EYA3: variants seen among roughly 807,000 people sequenced by gnomAD.
The protein encoded by EYA3 is protein phosphatase EYA3.
A neutral mutation model predicts 80.0 loss-of-function variants in EYA3; 39 were observed. The ratio of observed to expected loss-of-function variants is 0.49; its 90% confidence interval spans 0.38 to 0.64. The LOEUF (loss-of-function observed/expected upper bound fraction) is 0.64. Ranked by LOEUF, EYA3 falls within the 30% of genes least tolerant of loss-of-function variation. EYA3 has a pLI of 0.00. For missense variants in EYA3, 523 were observed against 676.1 expected, an observed-to-expected ratio of 0.77 and a Z score of 2.51; for synonymous variants, 206 against 232.8, an observed-to-expected ratio of 0.88 and a Z score of 1.05.
rs189713367 is a variant in EYA3, at chr1:27,978,891, G to A, written c.1541-417C>T. 7.0e-4 allele frequency among the ~76,000 whole-genome samples: 106 copies of A among 152,338 alleles called. 1 individual carries two copies. The highest frequency in any genetic ancestry group is 2.4e-3 in the African/African-American group (101 of 41,584). On this transcript the variant is annotated intron_variant, in intron 16 of 17. Coordinates refer to ENST00000373871, the MANE Select transcript of EYA3 (RefSeq NM_001990.4). ...GCAGGAGAATCGCTTGAACCCGGGA[G>A]GCGGAGGTTGCAGTGAGCCGAGATC...
Position 28,048,416 on chromosome 1 carries a change from G to A in EYA3, c.44C>T (p.Ala15Val), listed in dbSNP as rs868706652. The change falls in exon 3 of 18, where the codon GCC (alanine) becomes GTC (valine). Residue 15 changes from alanine (A) to valine (V), a missense_variant. By Grantham distance (64) the Ala-to-Val change is moderately conservative. Transcript: ENST00000373871. ...QDLPEQPVKKAKMQESGEQTI... is the reference protein window; with the variant it reads ...QDLPEQPVKKVKMQESGEQTI... ...TTGCTCTCCTGATTCCTGCATCTTGGCTTTTTTCACCTGCAAAAATAAATA... is the reference window on the plus strand; with the variant it reads ...TTGCTCTCCTGATTCCTGCATCTTGACTTTTTTCACCTGCAAAAATAAATA... The A allele has an allele frequency of 6.2e-7, 1 of 1,611,458 alleles. No individual in the cohort carries two copies. Among genetic ancestry groups the A allele is most frequent in the South Asian group, 1.1e-5 (1 of 90,748 alleles).
At chr1:28,066,721 A>G (rs929863645) in intron 1 of EYA3, among the ~76,000 whole-genome samples, 1 of 152,174 alleles carries the variant, frequency 6.6e-6, no homozygotes, top group African/African-American at 2.4e-5. Context: ...GCAATGAAAA[A>G]AACAAATCTA....
chr1:28,030,278 A>G (rs1643060330), intron 6 of EYA3, among the ~76,000 whole-genome samples: 1 of 152,218 alleles, frequency 6.6e-6, no homozygotes, highest in Non-Finnish European at 1.5e-5. Context: ...AAAGACCAAC[A>G]GTGGGATATG....
At chr1:28,057,818 T>G (rs1644485716) in intron 2 of EYA3, among the ~76,000 whole-genome samples, 176 bp downstream of exon 2, 1 of 152,198 alleles carries the variant, frequency 6.6e-6, no homozygotes, top group Non-Finnish European at 1.5e-5. Context: ...TGCTAAATTT[T>G]CCTTAGACTC....
intron 10 of EYA3, among the ~76,000 whole-genome samples, chr1:28,007,481 C>A (rs1180340482): frequency 6.6e-6 from 1 of 151,714 alleles, no homozygotes; most frequent in East Asian, 1.9e-4. Flanking sequence ...GTTACAGGCG[C>A]CTGCCACCAT....
chr1:28,069,824 A>G (rs1238947248), intron 1 of EYA3, among the ~76,000 whole-genome samples: 3 of 152,250 alleles, frequency 2.0e-5, no homozygotes, highest in African/African-American at 7.2e-5. Flanking sequence ...TTTTGAGATG[A>G]GATTATACAT....
At chr1:28,069,933 G>C (rs1347063542) in intron 1 of EYA3, among the ~76,000 whole-genome samples, 1 of 152,158 alleles carries the variant, frequency 6.6e-6, no homozygotes, top group African/African-American at 2.4e-5. Flanking sequence ...GAAGAGACTG[G>C]AGGGTTACGG....
At chr1:28,019,881 T>G (rs1642316352) in intron 7 of EYA3, among the ~76,000 whole-genome samples, 1 of 151,934 alleles carries the variant, frequency 6.6e-6, no homozygotes, top group Non-Finnish European at 1.5e-5. Context: ...TGCATTTTTT[T>G]TAGTAGAGAT....
intron 7 of EYA3, among the ~76,000 whole-genome samples, chr1:28,022,863 C>T (rs931858639): frequency 1.6e-4 from 24 of 152,026 alleles, no homozygotes; most frequent in African/African-American, 5.3e-4. Flanking sequence ...ACTACAGGCA[C>T]GCACCACTGC....
At chr1:28,042,787 T>C (rs1210994519) in intron 3 of EYA3, 137 bp from the exon 4 acceptor site, 3 of 678,466 alleles carry the variant, frequency 4.4e-6, no homozygotes. Context: ...TTATTGTTGA[T>C]TTTTAACAAC....
At chr1:27,985,727 G>C (rs188085777) in intron 16 of EYA3, among the ~76,000 whole-genome samples, 2 of 151,996 alleles carry the variant, frequency 1.3e-5, no homozygotes, top group Non-Finnish European at 2.9e-5. Flanking sequence ...GATTACAGGC[G>C]CCTGCCACCA....
intron 16 of EYA3, among the ~76,000 whole-genome samples, chr1:27,987,430 G>C (rs1000339096): frequency 3.3e-5 from 5 of 152,194 alleles, no homozygotes; most frequent in African/African-American, 1.2e-4. Context: ...ACATGAGTGT[G>C]CAGGTATCTC....
At chr1:28,045,933 CTTAAAA>C (rs1643987479) in intron 3 of EYA3, among the ~76,000 whole-genome samples, 2 of 152,090 alleles carry the variant, frequency 1.3e-5, no homozygotes, top group Admixed American at 1.3e-4. Context: ...ATTATTGAGC[CTTAAAA>C]AGAGGAAATT....
rs1386126400 is a variant in EYA3, at chr1:27,972,029, A to C, written c.*2437T>G. 6.6e-6 allele frequency: 1 copy of C among 152,228 alleles called. No homozygotes were observed. Among genetic ancestry groups the C allele is most frequent in the Non-Finnish European group, 1.5e-5 (1 of 68,052 alleles). The allele number at this position is 152,228 out of a possible 1,614,324, so 9.4% of individuals were successfully genotyped here. On this transcript the variant is annotated 3_prime_UTR_variant, in exon 18 of 18. Coordinates refer to ENST00000373871, the MANE Select transcript of EYA3 (RefSeq NM_001990.4). ...AGTCAGAGTAAGAGGAAAAAGGCCA[A>C]TGATAAAAGTGAGTTCAAGTTACAT...
At chr1:27,981,025 AGAGT>A (rs1413215168) in intron 16 of EYA3, among the ~76,000 whole-genome samples, 5 of 152,342 alleles carry the variant, frequency 3.3e-5, no homozygotes, top group African/African-American at 1.2e-4. Context: ...CCTAGGTACC[AGAGT>A]GAGACCCTGT....
At chr1:28,073,103 TTATATATATATA>T (rs201041762) in intron 1 of EYA3, among the ~76,000 whole-genome samples, 2 of 37,762 alleles carry the variant, frequency 5.3e-5, no homozygotes, top group Non-Finnish European at 8.5e-5. Flanking sequence ...GATGAAACTA[TTATATATATATA>T]TATATATATA....
chr1:28,041,926 T>C (rs951472344), intron 4 of EYA3, among the ~76,000 whole-genome samples: 4 of 152,196 alleles, frequency 2.6e-5, no homozygotes, highest in South Asian at 2.1e-4. Context: ...GTCTTTTTCT[T>C]GGGGATGAGT....
intron 11 of EYA3, among the ~76,000 whole-genome samples, chr1:28,001,818 C>T (rs2148760315): frequency 6.6e-6 from 1 of 150,450 alleles, no homozygotes; most frequent in African/African-American, 2.4e-5. Context: ...GCAACCTCCA[C>T]CTCCCAGGTT....
chr1:27,989,172 T>C lies in EYA3; in HGVS notation c.1419-516A>G, dbSNP rs550873617. 2.0e-5 allele frequency among the ~76,000 whole-genome samples: 3 copies of C among 152,384 alleles called. No homozygotes were observed. The South Asian group carries it at 6.2e-4, about 32-fold the overall frequency. The stretch of plus-strand genomic sequence containing the variant: ...CCTTGGTGTCAGCTTTACTGTTTAC[T>C]ACGTTGTGGATCTGGAATTACTGCT... On this transcript the variant is annotated intron_variant, in intron 15 of 17. Coordinates refer to ENST00000373871, the MANE Select transcript of EYA3 (RefSeq NM_001990.4).
Sources: gnomAD v4.1 joint callset for allele counts (sites outside exome capture counted in the v4.1 genomes callset) on GRCh38, gnomAD v4.1.1 for gene constraint, MANE v1.5 for transcripts, NCBI Gene and HGNC (gene_info 2026-07-23, HGNC 2026-07-21) for gene names.